Variants in LARP6 observed in about 807,000 individuals in gnomAD.
LARP6 encodes La ribonucleoprotein 6, translational regulator.
Under a neutral mutation model 32.8 loss-of-function variants are expected in LARP6, and 18 were observed. The observed-to-expected ratio is 0.55, with a 90% confidence interval of 0.38 to 0.81. LARP6 has a LOEUF of 0.81. Ranked by LOEUF, LARP6 falls within the 40% of genes least tolerant of loss-of-function variation. The probability of loss-of-function intolerance (pLI) is 0.00; values close to 1 mark genes in which losing one functional copy is unlikely to be tolerated. For synonymous variants in LARP6, 289 were observed against 267.2 expected, an observed-to-expected ratio of 1.08 and a Z score of -0.80; for missense variants, 598 against 663.1, an observed-to-expected ratio of 0.90 and a Z score of 1.08.
chr15:70,829,600 T>C lies in LARP6; in HGVS notation c.*2452A>G, dbSNP rs2032003997. ...TTTCCATTCAGAAAGCACTTGCACA[T>C]ATATGACCTTATTTAAGGAACATCT... On this transcript the variant is annotated 3_prime_UTR_variant, in exon 3 of 3. Coordinates refer to ENST00000299213, the MANE Select transcript of LARP6 (RefSeq NM_018357.4). 1 of 152,224 alleles carries C rather than the reference T, an allele frequency of 6.6e-6. No homozygotes were observed. Among genetic ancestry groups the C allele is most frequent in the African/African-American group, 2.4e-5 (1 of 41,464 alleles). The allele number at this position is 152,224 out of a possible 1,614,324, so 9.4% of individuals were successfully genotyped here. A position where few individuals can be genotyped will look rare whatever the true frequency, so the allele number is the denominator to read the frequency against.
chr15:70,848,567 A>T (rs1201901763), intron 1 of LARP6, among the ~76,000 whole-genome samples: 1 of 152,156 alleles, frequency 6.6e-6, no homozygotes, highest in Admixed American at 6.5e-5. Context: ...CCCTGTCTCT[A>T]CTAAAAATAC....
chr15:70,853,977 C>A lies in LARP6; in HGVS notation c.112G>T (p.Ala38Ser). ...VDELEDEEEG[A>S]ETRGAGDPAR... ...GGGTCCCCGGCGCCCCGAGTCTCCG[C>A]CCCCTCCTCCTCGTCCTCCAACTCG... Residue 38 changes from alanine to serine, a missense_variant, in exon 1 of 3, where the codon GCG (alanine) becomes TCG (serine). Ala to Ser is a moderately conservative substitution (Grantham distance 99). Transcript: ENST00000299213. The A allele has an allele frequency of 2.1e-6, 3 of 1,462,154 alleles. No individual in the cohort carries two copies. Among genetic ancestry groups the A allele is most frequent in the Non-Finnish European group, 2.7e-6 (3 of 1,101,948 alleles). 90.6% of individuals were successfully genotyped at this position (1,462,154 alleles called of 1,614,324 possible).
rs1567018819 is a variant in LARP6 at position 70,829,530 on chromosome 15, TGATCA to T, written c.*2517_*2521del. 6.6e-6 allele frequency: 1 copy of T among 152,262 alleles called. No homozygotes were observed. The highest frequency in any genetic ancestry group is 1.5e-5 in the Non-Finnish European group (1 of 68,064). 9.4% of individuals were successfully genotyped at this position (152,262 alleles called of 1,614,324 possible). On this transcript the variant is annotated 3_prime_UTR_variant, in exon 3 of 3. Transcript: ENST00000299213. ...AAAGGAGGCTTGCCTTTGGAGGTGA[TGATCA>T]GACAGCAGGATAAGTAGTGACTAAT... is the stretch of plus-strand genomic sequence containing the variant.
chr15:70,840,432 C>A (rs532445781), intron 1 of LARP6, among the ~76,000 whole-genome samples: 6 of 152,186 alleles, frequency 3.9e-5, no homozygotes, highest in African/African-American at 1.4e-4. Context: ...CCCAGCTACT[C>A]AGGAGGCTGA....
chr15:70,842,209 C>T (rs1436582773), intron 1 of LARP6, among the ~76,000 whole-genome samples: 1 of 151,990 alleles, frequency 6.6e-6, no homozygotes, highest in Non-Finnish European at 1.5e-5. Flanking sequence ...TCATGCCTGG[C>T]TAATTTTTCT....
chr15:70,853,835 G>T, intron 1 of LARP6, 54 bp downstream of exon 1: 1 of 1,186,000 alleles, frequency 8.4e-7, no homozygotes, highest in Non-Finnish European at 1.1e-6. Context: ...CCGAACTCGC[G>T]CGCGGCCCGG....
intron 1 of LARP6, among the ~76,000 whole-genome samples, chr15:70,845,220 T>C (rs2032324328): frequency 6.6e-6 from 1 of 152,192 alleles, no homozygotes; most frequent in South Asian, 2.1e-4. Context: ...TTTCCTTAGT[T>C]TTGCCTATTG....
chr15:70,847,313 G>A (rs2032366064), intron 1 of LARP6, among the ~76,000 whole-genome samples: 1 of 152,042 alleles, frequency 6.6e-6, no homozygotes, highest in South Asian at 2.1e-4. Flanking sequence ...TGAGAAATGG[G>A]TAGAAATAAA....
chr15:70,836,555 C>T (rs767017061), intron 1 of LARP6, 50 bp from the exon 2 acceptor site: 2 of 1,506,724 alleles, frequency 1.3e-6, no homozygotes, highest in Non-Finnish European at 1.8e-6. Context: ...TGAACTGTGT[C>T]CCCCAAAAAT....
chr15:70,841,130 G>C (rs934947634), intron 1 of LARP6, among the ~76,000 whole-genome samples: 3 of 151,612 alleles, frequency 2.0e-5, no homozygotes, highest in African/African-American at 7.3e-5. Context: ...AGCCAAGATG[G>C]TCTCGATCTC....
intron 2 of LARP6, among the ~76,000 whole-genome samples, chr15:70,835,674 C>T (rs2032134345): frequency 6.6e-6 from 1 of 152,200 alleles, no homozygotes; most frequent in Non-Finnish European, 1.5e-5. Context: ...AGTTCTTACT[C>T]CAACTAGTCT....
intron 1 of LARP6, among the ~76,000 whole-genome samples, chr15:70,844,288 T>A (rs1595954354): frequency 6.6e-6 from 1 of 152,194 alleles, no homozygotes; most frequent in Admixed American, 6.6e-5. Context: ...ATACTTTAAG[T>A]GGTTTCTTAT....
At chr15:70,853,104 G>C (rs1595958882) in intron 1 of LARP6, 5 of 152,158 alleles carry the variant, frequency 3.3e-5, no homozygotes, top group African/African-American at 1.2e-4. Context: ...AGTCCTTAAG[G>C]GCCTGGGCAT....
chr15:70,853,867 C>A, intron 1 of LARP6, 22 bp downstream of exon 1: 1 of 1,258,504 alleles, frequency 7.9e-7, no homozygotes, highest in East Asian at 3.3e-5. Flanking sequence ...GGCCCACCTC[C>A]CGGGCCAGCC....
In LARP6 at chr15:70,831,895, C is replaced by T. The variant is rs575525793; in HGVS notation, c.*157G>A. On this transcript the variant is annotated 3_prime_UTR_variant, in exon 3 of 3. Coordinates refer to ENST00000299213, the MANE Select transcript of LARP6 (RefSeq NM_018357.4). ...AGGTGGTCTTCAAACCATGGCGTAC[C>T]GATTTATGTATATTACAGATAGATA... 5.0e-5 allele frequency: 24 copies of T among 484,546 alleles called. 1 individual carries two copies. In the South Asian group the frequency reaches 6.0e-4, roughly 12 times the overall value. 30.0% of individuals were successfully genotyped at this position (484,546 alleles called of 1,614,324 possible).
chr15:70,845,490 C>T (rs1023095722), intron 1 of LARP6, among the ~76,000 whole-genome samples: 3 of 152,148 alleles, frequency 2.0e-5, no homozygotes, highest in Non-Finnish European at 4.4e-5. Context: ...CTCAGCACAT[C>T]CTATCAGGGT....
chr15:70,831,252 T>G lies in LARP6; in HGVS notation c.*800A>C, dbSNP rs999725635. On this transcript the variant is annotated 3_prime_UTR_variant, in exon 3 of 3. Coordinates refer to ENST00000299213, the MANE Select transcript of LARP6 (RefSeq NM_018357.4). Reference sequence around the variant, plus strand: ...TGCCTTTGCTCAGTAAAATTCCCTGTGATGAGACACCACTCAGGCTGCCAG... The same window carrying G: ...TGCCTTTGCTCAGTAAAATTCCCTGGGATGAGACACCACTCAGGCTGCCAG... 19 of 152,348 alleles carry G rather than the reference T, an allele frequency of 1.2e-4. No individual in the cohort carries two copies. Among genetic ancestry groups the G allele is most frequent in the Admixed American group, 1.2e-3 (19 of 15,280 alleles). The allele number at this position is 152,348 out of a possible 1,614,324, so 9.4% of individuals were successfully genotyped here. A position where few individuals can be genotyped will look rare whatever the true frequency, so the allele number is the denominator to read the frequency against.
At position 70,831,803 on chromosome 15, in the gene LARP6, C is replaced by T; in HGVS notation, c.*249G>A. On this transcript the variant is annotated 3_prime_UTR_variant, in exon 3 of 3. Coordinates refer to ENST00000299213, the MANE Select transcript of LARP6 (RefSeq NM_018357.4). ...GTCCTACAGCCCTTCAGGGCCATCACACTCACACACATCAGCCATCATCAA... is the reference window on the plus strand; with the variant it reads ...GTCCTACAGCCCTTCAGGGCCATCATACTCACACACATCAGCCATCATCAA... 3.0e-6 allele frequency: 1 copy of T among 337,034 alleles called. No individual in the cohort carries two copies. 20.9% of individuals were successfully genotyped at this position (337,034 alleles called of 1,614,324 possible). A position where few individuals can be genotyped will look rare whatever the true frequency, so the allele number is the denominator to read the frequency against.
rs1326657785 is a variant in LARP6 at position 70,832,874 on chromosome 15, G to A, written c.654C>T (p.Leu218=). 2.1e-5 allele frequency: 34 copies of A among 1,610,080 alleles called. No individual in the cohort carries two copies. The highest frequency in any genetic ancestry group is 5.4e-5 in the African/African-American group (4 of 74,742). The change falls in exon 3 of 3, where the codon CTC becomes CTT. Residue 218 remains leucine, a synonymous_variant. Coordinates refer to ENST00000299213, the MANE Select transcript of LARP6 (RefSeq NM_018357.4). ...RVQEKVMEHL[L]KLFGTFGVIS... ...TGACTCCAAAAGTCCCAAAAAGCTT[G>A]AGCAGGTGTTCCATCACCTTCTCTT...
Sources: allele counts gnomAD v4.1 joint callset (sites outside exome capture counted in the v4.1 genomes callset), GRCh38; gene constraint gnomAD v4.1.1; transcripts MANE v1.5; gene names NCBI Gene and HGNC (gene_info 2026-07-23, HGNC 2026-07-21).